MAEL: variants seen among roughly 807,000 people sequenced by gnomAD.
MAEL encodes protein maelstrom homolog.
MAEL carries 46 observed loss-of-function variants against 62.0 expected under a neutral mutation model. That is an observed-to-expected ratio of 0.74 (90% CI 0.59 to 0.95). The LOEUF is 0.95. MAEL is among the 40% of genes least tolerant of loss of function. The pLI is 0.00. For synonymous variants in MAEL, 172 were observed against 175.5 expected (o/e 0.98, Z 0.16); for missense variants, 497 against 526.8 (o/e 0.94, Z 0.55).
intron 9 of MAEL, among the ~76,000 whole-genome samples, chr1:167,017,624 C>T (rs181974244): frequency 9.2e-5 from 14 of 152,218 alleles, no homozygotes; most frequent in Non-Finnish European, 1.8e-4. Context: ...ATCTGGCAAT[C>T]AAAAGATTGC....
At position 166,992,679 on chromosome 1, in the gene MAEL, T is replaced by G; in HGVS notation, c.326-7T>G. ...TTTATTCATTTTATCTTACAATTTTTTTTTAGCTCTCCTTGGAGGCATTTT... is the reference window on the plus strand; with the variant it reads ...TTTATTCATTTTATCTTACAATTTTGTTTTAGCTCTCCTTGGAGGCATTTT... On this transcript the variant is annotated splice_polypyrimidine_tract_variant and splice_region_variant and intron_variant, in intron 3 of 11. Coordinates refer to ENST00000367872, the MANE Select transcript of MAEL (RefSeq NM_032858.3). The G allele has an allele frequency of 6.4e-7, 1 of 1,567,536 alleles. No individual in the cohort carries two copies. The highest frequency in any genetic ancestry group is 8.6e-7 in the Non-Finnish European group (1 of 1,165,360).
chr1:166,998,445 A>G (rs1165533977), intron 5 of MAEL, among the ~76,000 whole-genome samples: 3 of 152,280 alleles, frequency 2.0e-5, no homozygotes, highest in East Asian at 1.9e-4. Flanking sequence ...TGTCCCACCC[A>G]TTGGTAAACT....
chr1:167,017,986 T>C, intron 10 of MAEL, 27 bp downstream of exon 10: 1 of 1,610,242 alleles, frequency 6.2e-7, no homozygotes, highest in Non-Finnish European at 8.5e-7. Context: ...TAAGAGCTGC[T>C]GGTCTCTTTA....
intron 5 of MAEL, among the ~76,000 whole-genome samples, chr1:167,003,864 A>G (rs1664778683): frequency 6.6e-6 from 1 of 152,160 alleles, no homozygotes; most frequent in African/African-American, 2.4e-5. Flanking sequence ...GGGAATAGTA[A>G]AACACCGCAG....
At chr1:167,005,671 TAC>T (rs1457290908) in intron 8 of MAEL, 3 of 238,602 alleles carry the variant, frequency 1.3e-5, no homozygotes, top group Non-Finnish European at 2.4e-5. Context: ...AGATTTTTAT[TAC>T]ATAGAACTCT....
rs565809289 is a variant in MAEL, at chr1:167,013,132, C to T, written c.846-3090C>T. 5.3e-5 allele frequency among the ~76,000 whole-genome samples: 8 copies of T among 152,292 alleles called. No homozygotes were observed. The East Asian group carries it at 1.5e-3, about 29-fold the overall frequency. ...GTTCTGAGGTCCTGGTGAGGCATCA[C>T]ATCTGGAGATAGCAGGCAAGCAACT... On this transcript the variant is annotated intron_variant, in intron 8 of 11. Transcript: ENST00000367872.
intron 5 of MAEL, among the ~76,000 whole-genome samples, chr1:167,001,547 T>C (rs1413093529): frequency 6.6e-6 from 1 of 152,238 alleles, no homozygotes; most frequent in Non-Finnish European, 1.5e-5. Flanking sequence ...ACAATGCTAC[T>C]GCACACTTAA....
At chr1:166,992,904 T>C in intron 4 of MAEL, 63 bp downstream of exon 4, 1 of 1,333,038 alleles carries the variant, frequency 7.5e-7, no homozygotes, top group Non-Finnish European at 1.0e-6. Flanking sequence ...AAATCTTGAC[T>C]TTATTTGATA....
At chr1:167,001,243 C>A (rs181966426) in intron 5 of MAEL, among the ~76,000 whole-genome samples, 188 of 152,170 alleles carry the variant, frequency 1.2e-3, no homozygotes, top group African/African-American at 4.3e-3. Context: ...ACACAAGGGA[C>A]TTTGGGGACT....
In MAEL at chr1:166,991,383, TG is replaced by T; in HGVS notation, c.232del (p.Val78PhefsTer5). Reference protein sequence around the residue: ...DPGPSEKQKPVFTPLRRPGML... With the variant: ...DPGPSEKQKPXFTPLRRPGML... ...ATCATTCTCTTCCTCTTTAGAAACC[TG>T]TTTTCACACCACTGAGGAGGCCAGG... On this transcript the variant is annotated frameshift_variant, in exon 3 of 12. Coordinates refer to ENST00000367872, the MANE Select transcript of MAEL (RefSeq NM_032858.3). LOFTEE classifies it high-confidence loss of function. 6.2e-7 allele frequency: 1 copy of T among 1,607,638 alleles called. No individual in the cohort carries two copies. Among genetic ancestry groups the T allele is most frequent in the Non-Finnish European group, 8.5e-7 (1 of 1,174,256 alleles).
At chr1:166,992,949 T>C in intron 4 of MAEL, 108 bp downstream of exon 4, 1 of 880,868 alleles carries the variant, frequency 1.1e-6, no homozygotes, top group Non-Finnish European at 1.6e-6. Context: ...TGTACAGCTG[T>C]GTTCTTAATG....
intron 8 of MAEL, among the ~76,000 whole-genome samples, chr1:167,006,296 C>T (rs1664893147): frequency 6.6e-6 from 1 of 152,038 alleles, no homozygotes; most frequent in Non-Finnish European, 1.5e-5. Context: ...TATTATATCT[C>T]TTTAATCTGG....
In MAEL at chr1:166,989,357, C is replaced by T. The variant is rs368453105; in HGVS notation, c.5C>T (p.Pro2Leu). The change falls in exon 1 of 12, where the codon CCG becomes CTG. Residue 2 changes from proline (P) to leucine (L), a missense_variant. Transcript: ENST00000367872. Reference protein sequence around the residue: MPNRKASRNAYY... With the variant: MLNRKASRNAYY... The stretch of plus-strand genomic sequence containing the variant: ...AGGAAGTTTGACCGCGCTGCCATGC[C>T]GAACCGTAAGGCCAGCCGGAATGCT... 1 of 1,609,774 alleles carries T rather than the reference C, an allele frequency of 6.2e-7. No individual in the cohort carries two copies. Among genetic ancestry groups the T allele is most frequent in the South Asian group, 1.1e-5 (1 of 89,954 alleles).
chr1:166,978,978 C>T (rs1351788170), intron 1 of MAEL, among the ~76,000 whole-genome samples: 1 of 152,204 alleles, frequency 6.6e-6, no homozygotes, highest in South Asian at 2.1e-4. Flanking sequence ...CAAAGCTCTA[C>T]ACTAGAGAAC....
Position 167,016,246 on chromosome 1 carries a change from T to A in MAEL, c.870T>A (p.Asp290Glu). 6.2e-7 allele frequency: 1 copy of A among 1,613,704 alleles called. No individual in the cohort carries two copies. The highest frequency in any genetic ancestry group is 1.1e-5 in the South Asian group (1 of 91,062). Residue 290 changes from aspartate to glutamate, a missense_variant, in exon 9 of 12, where the codon GAT (aspartate) becomes GAA (glutamate). Coordinates refer to ENST00000367872, the MANE Select transcript of MAEL (RefSeq NM_032858.3). ...GGTGCAAGTGGCATGAAGAAAATGA[T>A]ATTCTCTTCTGTGCTTTAGCTGTTT... ...NTRCKWHEEN[D>E]ILFCALAVCK...
In MAEL at chr1:166,989,305, C is replaced by G. The variant is rs371448725; in HGVS notation, c.-48C>G. On this transcript the variant is annotated 5_prime_UTR_variant, in exon 1 of 12. Transcript: ENST00000367872. ...ACTTAGGGCGGGAGCCCGGCGAGGG[C>G]GCCGGTGCTTTGTTCTGTCTGAGGC... The G allele has an allele frequency of 3.8e-6, 6 of 1,577,754 alleles. No individual in the cohort carries two copies. In the Admixed American group the frequency reaches 1.1e-4, roughly 29 times the overall value.
intron 5 of MAEL, among the ~76,000 whole-genome samples, chr1:167,002,225 T>G (rs1254747026): frequency 6.6e-6 from 1 of 152,226 alleles, no homozygotes; most frequent in African/African-American, 2.4e-5. Context: ...AAAGACAGAT[T>G]ATCTAATTTT....
intron 5 of MAEL, among the ~76,000 whole-genome samples, chr1:166,999,006 G>C (rs1484539621): frequency 6.6e-6 from 1 of 152,004 alleles, no homozygotes; most frequent in African/African-American, 2.4e-5. Context: ...TGTTCTGACT[G>C]CTCCCCTGAC....
chr1:166,975,591 C>T (rs1426367937), exon 1 of MAEL: 2 of 151,062 alleles, frequency 1.3e-5, no homozygotes, highest in Non-Finnish European at 3.0e-5. Context: ...CACCGCCTCC[C>T]GCGCCTCCGC....
Sources: gnomAD v4.1 joint callset for allele counts (sites outside exome capture counted in the v4.1 genomes callset) on GRCh38, gnomAD v4.1.1 for gene constraint, MANE v1.5 for transcripts, NCBI Gene and HGNC (gene_info 2026-07-23, HGNC 2026-07-21) for gene names.